Variants in AP4B1 observed in about 807,000 individuals in gnomAD.
The protein encoded by AP4B1 is AP-4 complex subunit beta-1.
Under a neutral mutation model 76.5 loss-of-function variants are expected in AP4B1, and 49 were observed. The observed-to-expected ratio is 0.64, with a 90% CI of 0.51 to 0.81. The LOEUF is 0.81. Among genes scored for constraint, AP4B1 ranks in the 40% least tolerant of loss-of-function variants. The pLI, the probability that AP4B1 is intolerant of heterozygous loss-of-function variation, is 0.00. For missense variants in AP4B1, 911 were observed against 904.9 expected (o/e 1.01, Z -0.09); for synonymous variants, 330 against 333.3 (o/e 0.99, Z 0.11).
At position 113,898,764 on chromosome 1, in the gene AP4B1, CT is replaced by C. The variant is rs755483414; in HGVS notation, c.1151del (p.Gln384ArgfsTer3). ...GAAGACCCAGCAACTCTGTTAAAAT[CT>C]GAACACATTGATCTGTGTAAGTCCT... The part of the protein sequence containing the change: ...IARTYTDQCV[Q>X]ILTELLGLRQ... On this transcript the variant is annotated frameshift_variant, in exon 6 of 10. Coordinates refer to ENST00000369569, the MANE Select transcript of AP4B1 (RefSeq NM_001253852.3). LOFTEE classifies it high-confidence loss of function. 2 of 1,609,958 alleles carry C rather than the reference CT, an allele frequency of 1.2e-6. No homozygotes were observed. Among genetic ancestry groups the C allele is most frequent in the African/African-American group, 2.7e-5 (2 of 74,914 alleles).
chr1:113,895,990 C>A lies in AP4B1; in HGVS notation c.1559G>T (p.Arg520Leu). 1 of 1,614,068 alleles carries A rather than the reference C, an allele frequency of 6.2e-7. No individual in the cohort carries two copies. The highest frequency in any genetic ancestry group is 1.1e-5 in the South Asian group (1 of 91,076). Residue 520 changes from arginine to leucine, a missense_variant, in exon 9 of 10, where the codon CGC (arginine) becomes CTC (leucine). By Grantham distance (102) the Arg-to-Leu change is moderately radical. Coordinates refer to ENST00000369569, the MANE Select transcript of AP4B1 (RefSeq NM_001253852.3). The stretch of plus-strand genomic sequence containing the variant: ...TTCATCAATGCCAACTAAGAGGAGG[C>A]GATAATAGAAGAGACCTCGGTCCCG... ...AVRDRGLFYY[R>L]LLLVGIDEVK...
chr1:113,896,853 G>GT (rs1288785583), intron 7 of AP4B1: 1 of 243,420 alleles, frequency 4.1e-6, no homozygotes, highest in African/African-American at 2.3e-5. Context: ...TCTTAAAAAT[G>GT]TATCTGTCAG....
upstream of AP4B1, chr1:113,904,935 G>T (rs1030268176): frequency 9.3e-6 from 5 of 535,288 alleles, no homozygotes; most frequent in Non-Finnish European, 1.7e-5. Context: ...GGCTCTTCAG[G>T]CCCTACCGTC....
Position 113,904,594 on chromosome 1 carries a change from G to T in AP4B1, c.113+11C>A, listed in dbSNP as rs1168742392. On this transcript the variant is annotated intron_variant, in intron 1 of 9. Coordinates refer to ENST00000369569, the MANE Select transcript of AP4B1 (RefSeq NM_001253852.3). ...GGGAGCAGTTAGCACGCGAAGGGAG[G>T]TAGGTGATACCTAATCACTCGCTGG... 1 of 1,612,860 alleles carries T rather than the reference G, an allele frequency of 6.2e-7. No homozygotes were observed. Among genetic ancestry groups the T allele is most frequent in the Non-Finnish European group, 8.5e-7 (1 of 1,178,892 alleles).
At chr1:113,903,130 A>G (rs1401030304) in intron 1 of AP4B1, among the ~76,000 whole-genome samples, 1 of 152,260 alleles carries the variant, frequency 6.6e-6, no homozygotes. Flanking sequence ...CAGTGGCACA[A>G]TCTCGGCTCA....
At position 113,904,783 on chromosome 1, in the gene AP4B1, G is replaced by C. The variant is rs1040891781; in HGVS notation, c.-66C>G. On this transcript the variant is annotated 5_prime_UTR_variant, in exon 1 of 10. The change creates a new upstream start codon in the 5' untranslated region. Transcript: ENST00000369569. ...TAACTCGAGGGCTCCTTCTCGTCCT[G>C]ATGTGGGAGCCTGAGTAAAGGAAAT... 30 of 1,313,372 alleles carry C rather than the reference G, an allele frequency of 2.3e-5. No homozygotes were observed. In the African/African-American group the frequency reaches 3.5e-4, roughly 15 times the overall value. The allele number at this position is 1,313,372 out of a possible 1,614,324, so 81.4% of individuals were successfully genotyped here.
Position 113,904,617 on chromosome 1 carries a change from T to A in AP4B1, c.101A>T (p.Gln34Leu), listed in dbSNP as rs760935799. 1 of 1,613,958 alleles carries A rather than the reference T, an allele frequency of 6.2e-7. No individual in the cohort carries two copies. The highest frequency in any genetic ancestry group is 8.5e-7 in the Non-Finnish European group (1 of 1,179,970). ...AGGTAGGTGATACCTAATCACTCGC[T>A]GGATGACATTCCGGTAGCGCAGCCT... is the stretch of plus-strand genomic sequence containing the variant. Reference protein sequence around the residue: ...ADRLRYRNVIQRVIRYMTQGL... With the variant: ...ADRLRYRNVILRVIRYMTQGL... Residue 34 changes from glutamine to leucine, a missense_variant, in exon 1 of 10, where the codon CAG becomes CTG. Transcript: ENST00000369569.
chr1:113,904,868 G>T, upstream of AP4B1: 1 of 716,444 alleles, frequency 1.4e-6, no homozygotes, highest in Admixed American at 2.0e-5. Flanking sequence ...CCGTAGGGCC[G>T]GCACGCTGGC....
Position 113,895,022 on chromosome 1 carries a change from G to A in AP4B1, c.*43C>T. ...CTCTAATAGGAAAGACTAAGAAAGT[G>A]TAATAGTTATTCATCTTACTCTAGA... is the stretch of plus-strand genomic sequence containing the variant. On this transcript the variant is annotated 3_prime_UTR_variant, in exon 10 of 10. Transcript: ENST00000369569. 1.3e-6 allele frequency: 2 copies of A among 1,578,600 alleles called. No individual in the cohort carries two copies. The highest frequency in any genetic ancestry group is 1.7e-6 in the Non-Finnish European group (2 of 1,155,510).
rs764163184 is a variant in AP4B1, at chr1:113,895,453, T to C, written c.1832A>G (p.Glu611Gly). The change falls in exon 10 of 10, where the codon GAA becomes GGA. Residue 611 changes from glutamate (E) to glycine (G), a missense_variant. Transcript: ENST00000369569. ...CATGAGGGCTCCAGAATCAGGGAGTTCTTGTACCCTCTCCTTGTTCTCTTC... is the reference window on the plus strand; with the variant it reads ...CATGAGGGCTCCAGAATCAGGGAGTCCTTGTACCCTCTCCTTGTTCTCTTC... ...IPEENKERVQ[E>G]LPDSGALMLV... is the part of the protein sequence containing the mutation. 4.3e-6 allele frequency: 7 copies of C among 1,614,100 alleles called. No homozygotes were observed. Among genetic ancestry groups the C allele is most frequent in the African/African-American group, 1.3e-5 (1 of 74,934 alleles).
chr1:113,898,124 A>G, intron 6 of AP4B1, 181 bp from the exon 7 acceptor site: 1 of 1,146,586 alleles, frequency 8.7e-7, no homozygotes, highest in African/African-American at 1.6e-5. Context: ...TCTTGAATGC[A>G]TATTGCTCTT....
At chr1:113,898,990 T>C in intron 5 of AP4B1, 189 bp from the exon 6 acceptor site, 1 of 1,012,062 alleles carries the variant, frequency 9.9e-7, no homozygotes, top group Non-Finnish European at 1.4e-6. Flanking sequence ...GTAAAAATCA[T>C]TTTTTCTCAC....
At position 113,895,839 on chromosome 1, in the gene AP4B1, G is replaced by C; in HGVS notation, c.1710C>G (p.Ala570=). 1 of 1,614,192 alleles carries C rather than the reference G, an allele frequency of 6.2e-7. No homozygotes were observed. The highest frequency in any genetic ancestry group is 8.5e-7 in the Non-Finnish European group (1 of 1,180,032). Residue 570 remains alanine (A), a synonymous_variant, in exon 9 of 10, where the codon GCC becomes GCG. Coordinates refer to ENST00000369569, the MANE Select transcript of AP4B1 (RefSeq NM_001253852.3). ...FNTLVPVYGK[A]HWATISKCQG... is the part of the protein sequence containing the mutation. Reference sequence around the variant, plus strand: ...GGCATTTAGAGATAGTTGCCCAGTGGGCTTTGCCATACACTGGCACCAGTG... The same window carrying C: ...GGCATTTAGAGATAGTTGCCCAGTGCGCTTTGCCATACACTGGCACCAGTG...
At chr1:113,897,657 C>T (rs893906353) in intron 7 of AP4B1, 183 bp downstream of exon 7, 12 of 650,656 alleles carry the variant, frequency 1.8e-5, no homozygotes, top group Non-Finnish European at 2.1e-5. Flanking sequence ...TAAAACCCGT[C>T]GGATAAATCT....
In AP4B1 at chr1:113,896,285, G is replaced by A; in HGVS notation, c.1483C>T (p.Leu495=). 6.2e-7 allele frequency: 1 copy of A among 1,614,152 alleles called. No homozygotes were observed. Among genetic ancestry groups the A allele is most frequent in the Non-Finnish European group, 8.5e-7 (1 of 1,180,004 alleles). ...LSRPAECQDM[L]GRLLYYCIEE... Reference sequence around the variant, plus strand: ...ATGCAGTAATACAACAAACGTCCTAGCATGTCCTGGCACTCAGCAGGTCGG... The same window carrying A: ...ATGCAGTAATACAACAAACGTCCTAACATGTCCTGGCACTCAGCAGGTCGG... Residue 495 remains leucine (L), a synonymous_variant, in exon 8 of 10, where the codon CTA becomes TTA. Transcript: ENST00000369569.
In AP4B1 at chr1:113,894,931, T is replaced by TA; in HGVS notation, c.*133dup. 1 of 1,052,002 alleles carries TA rather than the reference T, an allele frequency of 9.5e-7. No individual in the cohort carries two copies. Among genetic ancestry groups the TA allele is most frequent in the Non-Finnish European group, 1.4e-6 (1 of 740,240 alleles). 65.2% of individuals were successfully genotyped at this position (1,052,002 alleles called of 1,614,324 possible). ...AATCAATGTTCTTTGGCCAAAAACT[T>TA]AAGAATCCTGATTTCTAGATTTTCC... On this transcript the variant is annotated 3_prime_UTR_variant, in exon 10 of 10. Transcript: ENST00000369569.
Position 113,894,934 on chromosome 1 carries a change from G to T in AP4B1, c.*131C>A. 1 of 1,068,048 alleles carries T rather than the reference G, an allele frequency of 9.4e-7. No homozygotes were observed. The highest frequency in any genetic ancestry group is 1.3e-6 in the Non-Finnish European group (1 of 754,016). 66.2% of individuals were successfully genotyped at this position (1,068,048 alleles called of 1,614,324 possible). On this transcript the variant is annotated 3_prime_UTR_variant, in exon 10 of 10. Coordinates refer to ENST00000369569, the MANE Select transcript of AP4B1 (RefSeq NM_001253852.3). ...CAATGTTCTTTGGCCAAAAACTTAA[G>T]AATCCTGATTTCTAGATTTTCCACT...
intron 7 of AP4B1, 83 bp from the exon 8 acceptor site, chr1:113,896,548 T>C: frequency 7.2e-7 from 1 of 1,393,676 alleles, no homozygotes; most frequent in Non-Finnish European, 1.0e-6. Flanking sequence ...CTGGTTTTGC[T>C]TTTCGCTTAG....
intron 5 of AP4B1, chr1:113,899,021 G>A: frequency 4.3e-6 from 5 of 1,152,476 alleles, no homozygotes; most frequent in Non-Finnish European, 5.8e-6. Context: ...AAAACTGAAA[G>A]CTCATAGCAA....
Sources: allele counts gnomAD v4.1 joint callset (sites outside exome capture counted in the v4.1 genomes callset), GRCh38; gene constraint gnomAD v4.1.1; transcripts MANE v1.5; gene names NCBI Gene and HGNC (gene_info 2026-07-23, HGNC 2026-07-21).